PIP4K2A: variants seen among roughly 807,000 people sequenced by gnomAD.
PIP4K2A encodes the protein phosphatidylinositol-5-phosphate 4-kinase type 2 alpha.
In PIP4K2A, 14 loss-of-function variants were observed where a neutral mutation model predicts 42.9. That is an observed-to-expected ratio of 0.33 (90% CI 0.22 to 0.51). PIP4K2A has a LOEUF of 0.51. Among genes scored for constraint, PIP4K2A ranks in the 20% least tolerant of loss-of-function variants. The probability of loss-of-function intolerance (pLI) is 0.97; values close to 1 mark genes in which losing one functional copy is unlikely to be tolerated. For missense variants in PIP4K2A, 434 were observed against 519.8 expected (o/e 0.83, Z 1.61); for synonymous variants, 192 against 192.2 (o/e 1.00, Z 0.01).
chr10:22,542,059 G>T lies in PIP4K2A; in HGVS notation c.793-12C>A, dbSNP rs759547561. Reference sequence around the variant, plus strand: ...AGCTGGGCCAGAAACTGGGGACAGAGGCAACAGGGTGAGTCAGCCACACCT... The same window carrying T: ...AGCTGGGCCAGAAACTGGGGACAGATGCAACAGGGTGAGTCAGCCACACCT... On this transcript the variant is annotated splice_polypyrimidine_tract_variant and intron_variant, in intron 7 of 9. Coordinates refer to ENST00000376573, the MANE Select transcript of PIP4K2A (RefSeq NM_005028.5). 31 of 1,598,812 alleles carry T rather than the reference G, an allele frequency of 1.9e-5. No individual in the cohort carries two copies. Among genetic ancestry groups the T allele is most frequent in the Non-Finnish European group, 2.6e-5 (31 of 1,172,378 alleles).
intron 7 of PIP4K2A, among the ~76,000 whole-genome samples, chr10:22,545,663 C>T (rs915202150): frequency 1.3e-5 from 2 of 152,204 alleles, no homozygotes; most frequent in Non-Finnish European, 2.9e-5. Context: ...CTGAGGCACC[C>T]AAGAAGACTG....
intron 1 of PIP4K2A, among the ~76,000 whole-genome samples, chr10:22,671,327 T>C (rs976594758): frequency 3.9e-5 from 6 of 152,206 alleles, no homozygotes; most frequent in African/African-American, 1.2e-4. Flanking sequence ...AAGCCTAAAC[T>C]ACTAGTCTCT....
In PIP4K2A at chr10:22,612,274, A is replaced by G. The variant is rs565774501; in HGVS notation, c.145-2557T>C. On this transcript the variant is annotated intron_variant, in intron 1 of 9. Transcript: ENST00000376573. Reference sequence around the variant, plus strand: ...GACACATTAACTGAAGAACTGCCCCAAGTGTTGAACTCTAACAATGACAGA... The same window carrying G: ...GACACATTAACTGAAGAACTGCCCCGAGTGTTGAACTCTAACAATGACAGA... 1.3e-5 allele frequency among the ~76,000 whole-genome samples: 2 copies of G among 152,330 alleles called. 1 individual carries two copies. Among genetic ancestry groups the G allele is most frequent in the South Asian group, 4.1e-4 (2 of 4,830 alleles).
chr10:22,653,787 T>TC (rs1839040278), intron 1 of PIP4K2A, among the ~76,000 whole-genome samples: 1 of 152,100 alleles, frequency 6.6e-6, no homozygotes, highest in Non-Finnish European at 1.5e-5. Context: ...GGCAGGAGAA[T>TC]CGCATGAATC....
intron 6 of PIP4K2A, among the ~76,000 whole-genome samples, chr10:22,556,587 G>A (rs183073695): frequency 5.3e-5 from 8 of 151,692 alleles, no homozygotes; most frequent in Admixed American, 2.6e-4. Flanking sequence ...TTTTCCATGG[G>A]TTAGTTTTTT....
chr10:22,685,332 G>A (rs6482228), intron 1 of PIP4K2A, among the ~76,000 whole-genome samples: 43,220 of 151,962 alleles, frequency 0.28, 6,559 homozygotes, highest in Middle Eastern at 0.39. Flanking sequence ...TTTCAGAAGA[G>A]AGGCGAATCA....
intron 1 of PIP4K2A, among the ~76,000 whole-genome samples, chr10:22,678,412 G>A (rs1203660195): frequency 3.3e-5 from 5 of 151,854 alleles, no homozygotes; most frequent in African/African-American, 7.3e-5. Context: ...AATGAACACC[G>A]GCATACTTTT....
At chr10:22,608,745 C>A (rs1446871825) in intron 2 of PIP4K2A, among the ~76,000 whole-genome samples, 1 of 152,108 alleles carries the variant, frequency 6.6e-6, no homozygotes. Context: ...GGCATGGTAA[C>A]CTGCACCCGT....
intron 1 of PIP4K2A, among the ~76,000 whole-genome samples, chr10:22,679,946 T>A (rs1400241698): frequency 6.6e-6 from 1 of 152,146 alleles, no homozygotes; most frequent in East Asian, 1.9e-4. Flanking sequence ...TGAGAATGGT[T>A]ATACAACCCC....
intron 1 of PIP4K2A, among the ~76,000 whole-genome samples, chr10:22,699,096 T>C (rs1833654894): frequency 1.3e-5 from 2 of 152,218 alleles, no homozygotes; most frequent in African/African-American, 4.8e-5. Context: ...ATTTTTTTAA[T>C]GTCCCTAAAA....
chr10:22,587,579 A>C (rs536017177), intron 4 of PIP4K2A, among the ~76,000 whole-genome samples: 17 of 152,242 alleles, frequency 1.1e-4, no homozygotes, highest in Non-Finnish European at 2.1e-4. Context: ...AGGGATAGAA[A>C]CACAAAGCTT....
intron 9 of PIP4K2A, 186 bp downstream of exon 9, chr10:22,539,785 C>T (rs1007602314): frequency 1.5e-5 from 9 of 602,002 alleles, no homozygotes; most frequent in Non-Finnish European, 2.7e-5. Flanking sequence ...GACTTGCCCC[C>T]AGGGAACAAG....
At chr10:22,704,588 G>A (rs866755967) in intron 1 of PIP4K2A, among the ~76,000 whole-genome samples, 1 of 150,116 alleles carries the variant, frequency 6.7e-6, no homozygotes, top group Non-Finnish European at 1.5e-5. Context: ...AGGAGTTTGA[G>A]GCAGCAGTGA....
At chr10:22,574,441 TCTG>T (rs754426159) in intron 4 of PIP4K2A, among the ~76,000 whole-genome samples, 6 of 17,602 alleles carry the variant, frequency 3.4e-4, no homozygotes, top group African/African-American at 8.2e-4. Context: ...TTTTTCATTT[TCTG>T]TTTTTTTTTT....
At chr10:22,540,474 T>A (rs1836075788) in intron 8 of PIP4K2A, among the ~76,000 whole-genome samples, 1 of 152,024 alleles carries the variant, frequency 6.6e-6, no homozygotes, top group African/African-American at 2.4e-5. Context: ...TGTACACTAA[T>A]CCTTTACATC....
In PIP4K2A at chr10:22,625,522, C is replaced by T. The variant is rs544732871; in HGVS notation, c.145-15805G>A. Among the ~76,000 whole-genome samples the T allele has an allele frequency of 3.3e-5, 5 of 152,252 alleles. No homozygotes were observed. In the East Asian group the frequency reaches 5.8e-4, roughly 18 times the overall value. ...CCAAAAAAATCTGGAGTCTATTGTT[C>T]TAAGGGAGATGTTTTCAAAATACAC... is the stretch of plus-strand genomic sequence containing the variant. On this transcript the variant is annotated intron_variant, in intron 1 of 9. Coordinates refer to ENST00000376573, the MANE Select transcript of PIP4K2A (RefSeq NM_005028.5).
At chr10:22,625,629 T>C (rs899972555) in intron 1 of PIP4K2A, among the ~76,000 whole-genome samples, 7 of 152,104 alleles carry the variant, frequency 4.6e-5, no homozygotes, top group Admixed American at 1.3e-4. Context: ...AACAAAACAG[T>C]CCCCAGGTAT....
chr10:22,670,220 A>G (rs939829303), intron 1 of PIP4K2A, among the ~76,000 whole-genome samples: 3 of 152,096 alleles, frequency 2.0e-5, no homozygotes, highest in African/African-American at 7.2e-5. Flanking sequence ...CTCTACAAAA[A>G]CTACAAAAAT....
intron 1 of PIP4K2A, among the ~76,000 whole-genome samples, chr10:22,672,266 T>G (rs570313496): frequency 1.5e-5 from 2 of 136,848 alleles, no homozygotes; most frequent in South Asian, 5.3e-4. Flanking sequence ...CCCTGACAGC[T>G]CTGGGTCGGG....
Sources: allele counts gnomAD v4.1 joint callset (sites outside exome capture counted in the v4.1 genomes callset), GRCh38; gene constraint gnomAD v4.1.1; transcripts MANE v1.5; gene names NCBI Gene and HGNC (gene_info 2026-07-23, HGNC 2026-07-21).